Variants in CCDC39 observed in about 807,000 individuals in gnomAD.
The protein encoded by CCDC39 is coiled-coil domain-containing protein 39.
Under a neutral mutation model 121.0 loss-of-function variants are expected in CCDC39, and 113 were observed. The ratio of observed to expected loss-of-function variants is 0.93; its 90% CI spans 0.80 to 1.09. CCDC39 has a LOEUF of 1.09. CCDC39 is among the 50% of genes least tolerant of loss of function. The pLI is 0.00. For missense variants in CCDC39, 1,063 were observed against 1,074.7 expected (o/e 0.99, Z 0.15); for synonymous variants, 349 against 352.2 (o/e 0.99, Z 0.10).
chr3:180,633,987 C>T (rs1717763300), intron 13 of CCDC39, among the ~76,000 whole-genome samples: 1 of 152,080 alleles, frequency 6.6e-6, no homozygotes, highest in Non-Finnish European at 1.5e-5. Context: ...CAGTTCTATC[C>T]CTGCTGCCCT....
chr3:180,656,488 A>T (rs1711583367), intron 6 of CCDC39, among the ~76,000 whole-genome samples: 3 of 152,218 alleles, frequency 2.0e-5, no homozygotes, highest in Admixed American at 1.3e-4. Context: ...GAGGAACAAA[A>T]GAGTATAATA....
chr3:180,663,795 C>A (rs570386640), intron 2 of CCDC39, 72 bp downstream of exon 2: 2 of 1,410,916 alleles, frequency 1.4e-6, no homozygotes, highest in Non-Finnish European at 9.8e-7. Context: ...CTGTAAAAAT[C>A]GCAGATGTAA....
Position 180,631,513 on chromosome 3 carries a change from G to A in CCDC39, c.1954C>T (p.Pro652Ser), listed in dbSNP as rs145506099. 381 of 1,608,182 alleles carry A rather than the reference G, an allele frequency of 2.4e-4. 2 individuals carry two copies. The African/African-American group carries it at 4.3e-3, about 18-fold the overall frequency. ...YEILTVVMLP[P>S]EGEEEKTQAY... ...TGTGTTTTCTCCTCTTCTCCTTCAG[G>A]AGGCAGCATAACAACAGTCAGAATT... Residue 652 changes from proline to serine, a missense_variant, in exon 14 of 20, where the codon CCT becomes TCT. Coordinates refer to ENST00000476379, the MANE Select transcript of CCDC39 (RefSeq NM_181426.2).
At chr3:180,618,156 C>G (rs1396029489) in intron 16 of CCDC39, among the ~76,000 whole-genome samples, 1 of 152,146 alleles carries the variant, frequency 6.6e-6, no homozygotes, top group Non-Finnish European at 1.5e-5. Context: ...TAAGTACACT[C>G]TTATGATGTT....
chr3:180,665,163 A>C (rs1410803873), intron 1 of CCDC39, among the ~76,000 whole-genome samples: 2 of 152,242 alleles, frequency 1.3e-5, no homozygotes, highest in African/African-American at 4.8e-5. Flanking sequence ...TAAGTTTAAG[A>C]GAACAGAACA....
Position 180,616,509 on chromosome 3 carries a change from G to T in CCDC39, c.2586+7C>A, listed in dbSNP as rs753859178. On this transcript the variant is annotated splice_region_variant and intron_variant, in intron 18 of 19. Transcript: ENST00000476379. ...TAAGAAATATTTAATAGAAGGTGCT[G>T]TATTACCTGTTGAAAGTATGTTTGA... is the stretch of plus-strand genomic sequence containing the variant. 9 of 1,536,222 alleles carry T rather than the reference G, an allele frequency of 5.9e-6. No individual in the cohort carries two copies. The highest frequency in any genetic ancestry group is 1.8e-4 in the Middle Eastern group (1 of 5,608).
At chr3:180,652,115 A>C in intron 8 of CCDC39, 48 bp downstream of exon 8, 1 of 980,590 alleles carries the variant, frequency 1.0e-6, no homozygotes, top group Non-Finnish European at 1.5e-6. Flanking sequence ...AATTTTCTAG[A>C]TATAGTAAAA....
chr3:180,662,081 C>T (rs1302789477), intron 2 of CCDC39, 74 bp from the exon 3 acceptor site: 1 of 1,386,800 alleles, frequency 7.2e-7, no homozygotes, highest in Non-Finnish European at 9.7e-7. Context: ...TATAATAATC[C>T]ATTAGATTAA....
intron 1 of CCDC39, among the ~76,000 whole-genome samples, chr3:180,677,163 TAA>T (rs1473613628): frequency 7.1e-4 from 62 of 87,626 alleles, no homozygotes; most frequent in African/African-American, 1.3e-3. Context: ...ATAATAATAA[TAA>T]TTTTATATAT....
At chr3:180,622,750 C>T (rs180986140) in intron 14 of CCDC39, among the ~76,000 whole-genome samples, 1 of 152,200 alleles carries the variant, frequency 6.6e-6, no homozygotes, top group African/African-American at 2.4e-5. Context: ...CCTTTCATCC[C>T]TGGCATAAAA....
Position 180,616,575 on chromosome 3 carries a change from C to T in CCDC39, c.2527G>A (p.Val843Ile). 3 of 1,601,666 alleles carry T rather than the reference C, an allele frequency of 1.9e-6. No homozygotes were observed. The highest frequency in any genetic ancestry group is 2.6e-6 in the Non-Finnish European group (3 of 1,174,610). The change falls in exon 18 of 20, where the codon GTT (valine) becomes ATT (isoleucine). Residue 843 changes from valine to isoleucine, a missense_variant. Physicochemically the swap from Val to Ile is conservative, Grantham distance 29 (BLOSUM62 3). Coordinates refer to ENST00000476379, the MANE Select transcript of CCDC39 (RefSeq NM_181426.2). ...TCAGTATTTTCTTCTATGATATCAA[C>T]TAACATTTCATCAATAACTTTGTGA... ...QFHKVIDEMLVDIIEENTEIR... is the reference protein window; with the variant it reads ...QFHKVIDEMLIDIIEENTEIR...
intron 9 of CCDC39, among the ~76,000 whole-genome samples, chr3:180,650,246 G>C (rs1718168035): frequency 6.6e-6 from 1 of 152,110 alleles, no homozygotes; most frequent in African/African-American, 2.4e-5. Context: ...TGCCAAAAAA[G>C]ACTGAGGTAG....
Position 180,642,608 on chromosome 3 carries a change from A to G in CCDC39, c.1666-407T>C, listed in dbSNP as rs77052119. 3.8e-4 allele frequency among the ~76,000 whole-genome samples: 58 copies of G among 152,284 alleles called. 1 individual carries two copies. The East Asian group carries it at 0.011, about 29-fold the overall frequency. ...ATAGAGTACTGACATAAGAGTACAC[A>G]TATCAATCAATTTTCAGAATAGAAA... On this transcript the variant is annotated intron_variant, in intron 12 of 19. Transcript: ENST00000476379.
In CCDC39 at chr3:180,642,211, T is replaced by C. The variant is rs768780348; in HGVS notation, c.1666-10A>G. 1.3e-6 allele frequency: 2 copies of C among 1,522,902 alleles called. No individual in the cohort carries two copies. The highest frequency in any genetic ancestry group is 1.8e-6 in the Non-Finnish European group (2 of 1,128,732). The allele number at this position is 1,522,902 out of a possible 1,614,324, so 94.3% of individuals were successfully genotyped here. ...CCTCTATCATCAAATCCTATCAACGTAACAAAATGGTCAAATATTGAAATT... is the reference window on the plus strand; with the variant it reads ...CCTCTATCATCAAATCCTATCAACGCAACAAAATGGTCAAATATTGAAATT... On this transcript the variant is annotated splice_polypyrimidine_tract_variant and intron_variant, in intron 12 of 19. Coordinates refer to ENST00000476379, the MANE Select transcript of CCDC39 (RefSeq NM_181426.2).
At chr3:180,675,579 T>C (rs1379208167) in intron 1 of CCDC39, among the ~76,000 whole-genome samples, 1 of 152,188 alleles carries the variant, frequency 6.6e-6, no homozygotes. Flanking sequence ...TGTTAGGGTG[T>C]CAATTTTAGA....
intron 1 of CCDC39, among the ~76,000 whole-genome samples, chr3:180,670,611 G>A (rs1712013007): frequency 6.9e-6 from 1 of 145,036 alleles, no homozygotes; most frequent in Non-Finnish European, 1.5e-5. Context: ...GTCTGTATAT[G>A]TAAAGTACCA....
chr3:180,614,782 T>C lies in CCDC39; in HGVS notation c.*139A>G. 1.4e-6 allele frequency: 1 copy of C among 693,670 alleles called. No homozygotes were observed. The highest frequency in any genetic ancestry group is 2.4e-5 in the South Asian group (1 of 41,184). The allele number at this position is 693,670 out of a possible 1,614,324, so 43.0% of individuals were successfully genotyped here. A position where few individuals can be genotyped will look rare whatever the true frequency, so the allele number is the denominator to read the frequency against. On this transcript the variant is annotated 3_prime_UTR_variant, in exon 20 of 20. Coordinates refer to ENST00000476379, the MANE Select transcript of CCDC39 (RefSeq NM_181426.2). ...AGTAGAGAAAATGAGAACGTTCCTT[T>C]TTTTTTAAAACTATCAGTTTTTACA... is the stretch of plus-strand genomic sequence containing the variant.
chr3:180,647,050 A>C (rs771937911), intron 11 of CCDC39, 29 bp downstream of exon 11: 7 of 1,590,856 alleles, frequency 4.4e-6, no homozygotes, highest in Admixed American at 1.8e-5. Context: ...AGGATATTTG[A>C]AATATAAAAT....
chr3:180,633,965 C>T (rs547319183), intron 13 of CCDC39, among the ~76,000 whole-genome samples: 14 of 152,208 alleles, frequency 9.2e-5, no homozygotes, highest in South Asian at 4.2e-4. Context: ...CCCTCTGCCA[C>T]GACCACAGCA....
Sources: gnomAD v4.1 joint callset for allele counts (sites outside exome capture counted in the v4.1 genomes callset) on GRCh38, gnomAD v4.1.1 for gene constraint, MANE v1.5 for transcripts, NCBI Gene and HGNC (gene_info 2026-07-23, HGNC 2026-07-21) for gene names.